Variants in NEXN observed in about 807,000 individuals in gnomAD.
NEXN encodes the protein nexilin.
NEXN carries 65 observed loss-of-function variants against 92.6 expected under a neutral mutation model. That is an observed-to-expected ratio of 0.70 (90% CI 0.57 to 0.86). NEXN has a LOEUF of 0.86. Ranked by LOEUF, NEXN falls within the 40% of genes least tolerant of loss-of-function variation. The pLI is 0.00. For missense variants in NEXN, 778 were observed against 771.1 expected, an observed-to-expected ratio of 1.01 and a Z score of -0.11; for synonymous variants, 254 against 242.5, an observed-to-expected ratio of 1.05 and a Z score of -0.44.
At chr1:77,937,294 A>C (rs1650849423) in intron 11 of NEXN, among the ~76,000 whole-genome samples, 1 of 151,624 alleles carries the variant, frequency 6.6e-6, no homozygotes, top group Non-Finnish European at 1.5e-5. Context: ...TCAGAGCAAG[A>C]CCCTGTCTCT....
At chr1:77,921,054 G>T (rs1299747056) in intron 5 of NEXN, among the ~76,000 whole-genome samples, 2 of 151,926 alleles carry the variant, frequency 1.3e-5, no homozygotes, top group Admixed American at 6.6e-5. Context: ...TTCTTGTTTT[G>T]GTAATGGTTT....
At chr1:77,934,775 G>T (rs1354150432) in intron 10 of NEXN, among the ~76,000 whole-genome samples, 1 of 152,230 alleles carries the variant, frequency 6.6e-6, no homozygotes, top group Non-Finnish European at 1.5e-5. Flanking sequence ...CAGGGTCTAA[G>T]ATGTAGCCTC....
intron 2 of NEXN, among the ~76,000 whole-genome samples, chr1:77,916,634 A>C (rs1047809539): frequency 1.3e-5 from 2 of 152,134 alleles, no homozygotes; most frequent in African/African-American, 4.8e-5. Flanking sequence ...GTTAACCCTT[A>C]AATGGCCAAT....
rs1651444681 is a variant in NEXN, at chr1:77,942,458, C to T, written c.1660-3C>T. 7 of 1,612,768 alleles carry T rather than the reference C, an allele frequency of 4.3e-6. No homozygotes were observed. Among genetic ancestry groups the T allele is most frequent in the African/African-American group, 1.3e-5 (1 of 74,962 alleles). On this transcript the variant is annotated splice_polypyrimidine_tract_variant and splice_region_variant and intron_variant, in intron 12 of 12. Coordinates refer to ENST00000334785, the MANE Select transcript of NEXN (RefSeq NM_144573.4). ...CAACCTGAATGCATTTATTTTAATACAGAAAAGAGAAGAGGAGGAGGAGGA... is the reference window on the plus strand; with the variant it reads ...CAACCTGAATGCATTTATTTTAATATAGAAAAGAGAAGAGGAGGAGGAGGA...
chr1:77,931,063 A>C (rs1476481784), intron 9 of NEXN, among the ~76,000 whole-genome samples: 1 of 152,106 alleles, frequency 6.6e-6, no homozygotes, highest in Non-Finnish European at 1.5e-5. Context: ...TTGTGAATGC[A>C]CTTAATTTTT....
At chr1:77,933,567 T>C in intron 10 of NEXN, 88 bp downstream of exon 10, 1 of 1,009,222 alleles carries the variant, frequency 9.9e-7, no homozygotes, top group Non-Finnish European at 1.5e-6. Flanking sequence ...TGTATTATTA[T>C]TCACCTTTAG....
chr1:77,942,709 T>G lies in NEXN; in HGVS notation c.1908T>G (p.Thr636=). The G allele has an allele frequency of 6.2e-7, 1 of 1,613,758 alleles. No homozygotes were observed. The highest frequency in any genetic ancestry group is 1.1e-5 in the South Asian group (1 of 91,060). The part of the protein sequence containing the change: ...EDYQYIERGE[T]YCLYLPETFP... ...ATCAATATATTGAAAGGGGAGAAAC[T>G]TACTGCCTTTACTTACCAGAAACTT... Residue 636 remains threonine, a synonymous_variant, in exon 13 of 13, where the codon ACT becomes ACG. Transcript: ENST00000334785.
In NEXN at chr1:77,926,739, A is replaced by G; in HGVS notation, c.711A>G (p.Ala237=). The change falls in exon 8 of 13, where the codon GCA becomes GCG. Residue 237 remains alanine (A), a synonymous_variant. Coordinates refer to ENST00000334785, the MANE Select transcript of NEXN (RefSeq NM_144573.4). ...LVMDDEIESE[A]KKESLSPGKL... is the part of the protein sequence containing the mutation. ...AGGATGATGAAATAGAAAGTGAAGCAAAAAAAGAATCACTTTCTCCCGGAA... is the reference window on the plus strand; with the variant it reads ...AGGATGATGAAATAGAAAGTGAAGCGAAAAAAGAATCACTTTCTCCCGGAA... 6.2e-7 allele frequency: 1 copy of G among 1,613,762 alleles called. No individual in the cohort carries two copies. Among genetic ancestry groups the G allele is most frequent in the Non-Finnish European group, 8.5e-7 (1 of 1,179,892 alleles).
chr1:77,899,027 T>C (rs1647467134), intron 1 of NEXN, among the ~76,000 whole-genome samples: 1 of 151,896 alleles, frequency 6.6e-6, no homozygotes, highest in South Asian at 2.1e-4. Flanking sequence ...GGAGAGGAGG[T>C]GGAGAAATAG....
In NEXN at chr1:77,922,013, C is replaced by A. The variant is rs573189447; in HGVS notation, c.448-3175C>A. On this transcript the variant is annotated intron_variant, in intron 5 of 12. Transcript: ENST00000334785. ...AAAATCCGGGGCTCAAGAGATCCTC[C>A]CACCTCGGCCTCCCAAAGTTGGGGG... Among the ~76,000 whole-genome samples, 7 of 152,238 alleles carry A rather than the reference C, an allele frequency of 4.6e-5. No individual in the cohort carries two copies. In the East Asian group the frequency reaches 1.4e-3, roughly 29 times the overall value.
Position 77,918,180 on chromosome 1 carries a change from G to A in NEXN, c.354G>A (p.Arg118=), listed in dbSNP as rs749769233. ...AGAAACAAAGACAAGAGGAACAAAG[G>A]AAGAGAACGGAGGAGGAACGAAAAC... The part of the protein sequence containing the change: ...EMEKQRQEEQ[R]KRTEEERKRR... Residue 118 remains arginine, a synonymous_variant, in exon 5 of 13, where the codon AGG becomes AGA. Coordinates refer to ENST00000334785, the MANE Select transcript of NEXN (RefSeq NM_144573.4). The A allele has an allele frequency of 5.6e-6, 9 of 1,613,862 alleles. No individual in the cohort carries two copies. In the African/African-American group the frequency reaches 6.7e-5, roughly 12 times the overall value.
chr1:77,939,288 T>C (rs982555466), intron 11 of NEXN, among the ~76,000 whole-genome samples: 2 of 152,100 alleles, frequency 1.3e-5, no homozygotes, highest in African/African-American at 4.8e-5. Flanking sequence ...TTGAGTGATA[T>C]TTGGATAAGG....
chr1:77,919,797 G>A (rs1054976542), intron 5 of NEXN, among the ~76,000 whole-genome samples: 11 of 151,868 alleles, frequency 7.2e-5, no homozygotes, highest in Non-Finnish European at 1.5e-4. Context: ...ACGGGGTTTC[G>A]CCATGTTGGC....
intron 1 of NEXN, among the ~76,000 whole-genome samples, chr1:77,908,008 G>A (rs144570927): frequency 0.047 from 7,187 of 152,106 alleles, 228 homozygotes; most frequent in East Asian, 0.11. Flanking sequence ...CAGCACTTTG[G>A]GAAGCTGAGG....
chr1:77,924,928 G>A (rs909569790), intron 5 of NEXN, among the ~76,000 whole-genome samples: 4 of 152,104 alleles, frequency 2.6e-5, no homozygotes, highest in Non-Finnish European at 5.9e-5. Context: ...CCAAAGTGCT[G>A]GGATTACAGG....
At position 77,928,685 on chromosome 1, in the gene NEXN, T is replaced by C. The variant is rs1423931747; in HGVS notation, c.865-631T>C. ...CCATAGTTCACAGTAAAAAAAAAAATACAAAAATTACAAAATGAGAACATT... is the reference window on the plus strand; with the variant it reads ...CCATAGTTCACAGTAAAAAAAAAAACACAAAAATTACAAAATGAGAACATT... On this transcript the variant is annotated intron_variant, in intron 8 of 12. Coordinates refer to ENST00000334785, the MANE Select transcript of NEXN (RefSeq NM_144573.4). 2.0e-5 allele frequency among the ~76,000 whole-genome samples: 3 copies of C among 151,782 alleles called. No individual in the cohort carries two copies. In the East Asian group the frequency reaches 5.8e-4, roughly 29 times the overall value.
In NEXN at chr1:77,942,482, G is replaced by A; in HGVS notation, c.1681G>A (p.Glu561Lys). The change falls in exon 13 of 13, where the codon GAA (glutamate) becomes AAA (lysine). Residue 561 changes from glutamate (E) to lysine (K), a missense_variant. Coordinates refer to ENST00000334785, the MANE Select transcript of NEXN (RefSeq NM_144573.4). ...ACAGAAAAGAGAAGAGGAGGAGGAG[G>A]AAGAAGGTAGCATCATGAATGGCTC... ...LQKKREEEEEEEGSIMNGSTA... is the reference protein window; with the variant it reads ...LQKKREEEEEKEGSIMNGSTA... 6.2e-7 allele frequency: 1 copy of A among 1,613,652 alleles called. No individual in the cohort carries two copies. The highest frequency in any genetic ancestry group is 8.5e-7 in the Non-Finnish European group (1 of 1,179,752).
chr1:77,900,660 T>G (rs80227093), intron 1 of NEXN, among the ~76,000 whole-genome samples: 2,470 of 152,332 alleles, frequency 0.016, 64 homozygotes, highest in African/African-American at 0.056. Flanking sequence ...CATATTCGTC[T>G]TCATTTAACA....
chr1:77,923,613 T>G (rs1166883297), intron 5 of NEXN, among the ~76,000 whole-genome samples: 1 of 151,986 alleles, frequency 6.6e-6, no homozygotes, highest in Non-Finnish European at 1.5e-5. Context: ...CTAAGAAGAG[T>G]ACATTAGTCT....
Sources: gnomAD v4.1 joint callset for allele counts (sites outside exome capture counted in the v4.1 genomes callset) on GRCh38, gnomAD v4.1.1 for gene constraint, MANE v1.5 for transcripts, NCBI Gene and HGNC (gene_info 2026-07-23, HGNC 2026-07-21) for gene names.